MECOM: variants seen among roughly 807,000 people sequenced by gnomAD.
MECOM encodes the protein histone-lysine N-methyltransferase MECOM.
MECOM carries 13 observed loss-of-function variants against 116.3 expected under a neutral mutation model. That is an observed-to-expected ratio of 0.11 (90% CI 0.07 to 0.18). The LOEUF is 0.18. Among genes scored for constraint, MECOM ranks in the 10% least tolerant of loss-of-function variants. The pLI is 1.00. For synonymous variants in MECOM, 528 were observed against 535.2 expected (o/e 0.99, Z 0.19); for missense variants, 1,299 against 1,509.0 (o/e 0.86, Z 2.31).
At chr3:169,515,005 A>C (rs527622145) in intron 1 of MECOM, among the ~76,000 whole-genome samples, 4 of 152,304 alleles carry the variant, frequency 2.6e-5, no homozygotes, top group South Asian at 2.1e-4. Flanking sequence ...TTAAAAGAAG[A>C]AGCAGCAGAT....
At chr3:169,378,479 A>C (rs6773655) in intron 2 of MECOM, among the ~76,000 whole-genome samples, 1 of 60,088 alleles carries the variant, frequency 1.7e-5, no homozygotes. Context: ...GCAAGCAAGA[A>C]AGAGAGAGAG....
Position 169,385,703 on chromosome 3 carries a change from C to T in MECOM, c.38-4179G>A, listed in dbSNP as rs187238033. Among the ~76,000 whole-genome samples, 901 of 152,292 alleles carry T rather than the reference C, an allele frequency of 5.9e-3. 3 individuals carry two copies. Among genetic ancestry groups the T allele is most frequent in the Non-Finnish European group, 9.1e-3 (619 of 68,014 alleles). ...TATCCAAAAAGCTGCTAAAACATTT[C>T]ATCTAAATGATAAATTACTTCAATT... On this transcript the variant is annotated intron_variant, in intron 1 of 16. Coordinates refer to ENST00000651503, the MANE Select transcript of MECOM (RefSeq NM_004991.4).
intron 1 of MECOM, among the ~76,000 whole-genome samples, chr3:169,600,669 G>C (rs1767732255): frequency 6.6e-6 from 1 of 152,132 alleles, no homozygotes; most frequent in African/African-American, 2.4e-5. Flanking sequence ...TTTACAAGTT[G>C]AATGTTTTTA....
At chr3:169,298,708 A>G (rs146550023) in intron 2 of MECOM, among the ~76,000 whole-genome samples, 208 of 152,298 alleles carry the variant, frequency 1.4e-3, no homozygotes, top group Middle Eastern at 6.8e-3. Context: ...TATTCATTCA[A>G]CAAACTCTTA....
At chr3:169,576,832 C>CAG (rs1200979108) in intron 1 of MECOM, among the ~76,000 whole-genome samples, 21 of 102,056 alleles carry the variant, frequency 2.1e-4, no homozygotes, top group African/African-American at 5.0e-4. Flanking sequence ...CACACACACA[C>CAG]ACACACAGAG....
chr3:169,607,568 TAGA>T (rs1768748214), intron 1 of MECOM, among the ~76,000 whole-genome samples: 1 of 152,252 alleles, frequency 6.6e-6, no homozygotes, highest in African/African-American at 2.4e-5. Flanking sequence ...TTGGTAAGAA[TAGA>T]AGGACTCACG....
intron 1 of MECOM, among the ~76,000 whole-genome samples, chr3:169,638,943 C>A (rs1240164044): frequency 6.6e-6 from 1 of 152,104 alleles, no homozygotes; most frequent in Non-Finnish European, 1.5e-5. Context: ...TGATGTGTGT[C>A]ATTTCTGAGC....
At chr3:169,440,891 T>C (rs916359550) in intron 1 of MECOM, among the ~76,000 whole-genome samples, 4 of 152,096 alleles carry the variant, frequency 2.6e-5, no homozygotes, top group African/African-American at 9.7e-5. Flanking sequence ...TGTTGGGTGG[T>C]CTACCAAGGA....
At position 169,570,294 on chromosome 3, in the gene MECOM, A is replaced by G. The variant is rs1422106248; in HGVS notation, c.37+93042T>C. Among the ~76,000 whole-genome samples the G allele has an allele frequency of 2.0e-5, 3 of 152,234 alleles. No homozygotes were observed. In the East Asian group the frequency reaches 5.8e-4, roughly 29 times the overall value. Reference sequence around the variant, plus strand: ...CCCTCCAAAGACTAAACCAGGGAGAAGTCAAATCCCTGAATAGGCCAATAA... The same window carrying G: ...CCCTCCAAAGACTAAACCAGGGAGAGGTCAAATCCCTGAATAGGCCAATAA... On this transcript the variant is annotated intron_variant, in intron 1 of 16. Coordinates refer to ENST00000651503, the MANE Select transcript of MECOM (RefSeq NM_004991.4).
At chr3:169,123,298 C>T (rs1213638229) in intron 5 of MECOM, among the ~76,000 whole-genome samples, 1 of 136,066 alleles carries the variant, frequency 7.3e-6, no homozygotes, top group Non-Finnish European at 1.6e-5. Context: ...TGGATATATG[C>T]ATGGATGTGT....
chr3:169,296,823 C>A (rs933129902), intron 2 of MECOM, among the ~76,000 whole-genome samples: 1 of 152,158 alleles, frequency 6.6e-6, no homozygotes. Context: ...TTTAATCATA[C>A]AGAATATGTC....
At chr3:169,488,486 C>T (rs935145074) in intron 1 of MECOM, among the ~76,000 whole-genome samples, 2 of 151,840 alleles carry the variant, frequency 1.3e-5, no homozygotes, top group South Asian at 4.1e-4. Context: ...GCAAAGGTTG[C>T]TGTGAACCGA....
intron 2 of MECOM, among the ~76,000 whole-genome samples, chr3:169,154,334 A>T (rs1246968429): frequency 6.6e-6 from 1 of 152,188 alleles, no homozygotes; most frequent in Admixed American, 6.5e-5. Context: ...AAGTACCAAG[A>T]GGGCAGGAAT....
intron 2 of MECOM, among the ~76,000 whole-genome samples, chr3:169,167,647 T>A (rs1743794176): frequency 6.6e-6 from 1 of 152,202 alleles, no homozygotes; most frequent in African/African-American, 2.4e-5. Flanking sequence ...AAAAAGTCAA[T>A]GTCTTCTTGG....
chr3:169,490,741 G>C (rs1752982102), intron 1 of MECOM, among the ~76,000 whole-genome samples: 1 of 152,142 alleles, frequency 6.6e-6, no homozygotes, highest in African/African-American at 2.4e-5. Flanking sequence ...TAGGAGAAGA[G>C]TAACAGAAAG....
intron 1 of MECOM, among the ~76,000 whole-genome samples, chr3:169,391,595 CATT>C (rs1424545144): frequency 6.6e-6 from 1 of 151,814 alleles, no homozygotes; most frequent in East Asian, 1.9e-4. Flanking sequence ...TATGAGAAAA[CATT>C]ATATATTTTG....
chr3:169,394,526 T>G (rs1734728302), intron 1 of MECOM, among the ~76,000 whole-genome samples: 1 of 152,186 alleles, frequency 6.6e-6, no homozygotes, highest in South Asian at 2.1e-4. Flanking sequence ...GGGTATAGAC[T>G]GTGGCCAAGC....
At chr3:169,534,562 A>T (rs987149341) in intron 1 of MECOM, among the ~76,000 whole-genome samples, 2 of 152,036 alleles carry the variant, frequency 1.3e-5, no homozygotes. Flanking sequence ...AAAAAACCCT[A>T]CTGACTTTTA....
intron 1 of MECOM, among the ~76,000 whole-genome samples, chr3:169,443,566 T>C (rs1433351676): frequency 6.6e-6 from 1 of 152,230 alleles, no homozygotes; most frequent in Non-Finnish European, 1.5e-5. Flanking sequence ...GTTAAGGCTT[T>C]AACCTGTCTT....
Sources: allele counts gnomAD v4.1 joint callset (sites outside exome capture counted in the v4.1 genomes callset), GRCh38; gene constraint gnomAD v4.1.1; transcripts MANE v1.5; gene names NCBI Gene and HGNC (gene_info 2026-07-23, HGNC 2026-07-21).